The following DDX1 variants were observed in gnomAD, a reference collection of about 807,000 sequenced individuals.
DDX1 encodes ATP-dependent RNA helicase DDX1.
DDX1 carries 28 observed loss-of-function variants against 108.7 expected under a neutral mutation model. The ratio of observed to expected loss-of-function variants is 0.26; its 90% CI spans 0.19 to 0.35. The LOEUF (loss-of-function observed/expected upper bound fraction) is 0.35, where lower values mean the gene tolerates loss of function less well. Ranked by LOEUF, DDX1 falls within the 10% of genes least tolerant of loss-of-function variation. DDX1 has a pLI of 1.00. For missense variants in DDX1, 710 were observed against 884.5 expected (o/e 0.80, Z 2.50); for synonymous variants, 295 against 288.9 (o/e 1.02, Z -0.21).
chr2:15,599,836 T>C, intron 6 of DDX1, 120 bp downstream of exon 6: 1 of 709,556 alleles, frequency 1.4e-6, no homozygotes, highest in Non-Finnish European at 2.4e-6. Flanking sequence ...ATTTAGTCAC[T>C]ATCATTAAAC....
chr2:15,612,881 C>T (rs1055080982), intron 13 of DDX1, among the ~76,000 whole-genome samples: 55 of 148,938 alleles, frequency 3.7e-4, no homozygotes, highest in African/African-American at 1.2e-3. Flanking sequence ...GTGGCGCGTG[C>T]CTGCAATCGC....
At chr2:15,612,076 TGGCTGGCGG>T (rs1307381515) in intron 13 of DDX1, among the ~76,000 whole-genome samples, 37 of 1,056 alleles carry the variant, frequency 0.035, no homozygotes, top group Non-Finnish European at 0.05. Flanking sequence ...AGGGGGCGGC[TGGCTGGCGG>T]GGCCTGACCC....
At chr2:15,600,653 G>C (rs1003141128) in intron 6 of DDX1, among the ~76,000 whole-genome samples, 8 of 151,846 alleles carry the variant, frequency 5.3e-5, no homozygotes, top group Admixed American at 2.0e-4. Context: ...CACATCAAGG[G>C]CTGACCCAGC....
At chr2:15,611,791 AC>A (rs1239037143) in intron 13 of DDX1, among the ~76,000 whole-genome samples, 2 of 72,622 alleles carry the variant, frequency 2.8e-5, no homozygotes, top group South Asian at 6.5e-4. Flanking sequence ...CGGGGGGCTG[AC>A]CCCCCCACCT....
chr2:15,595,275 T>A (rs975069195), intron 2 of DDX1, 79 bp downstream of exon 2: 1 of 1,284,726 alleles, frequency 7.8e-7, no homozygotes, highest in African/African-American at 1.5e-5. Context: ...TATCAAATAT[T>A]TTTGTGTCTA....
chr2:15,605,940 GTTT>G lies in DDX1; in HGVS notation c.626-6_626-4del. The G allele has an allele frequency of 2.0e-6, 3 of 1,536,088 alleles. No homozygotes were observed. Among genetic ancestry groups the G allele is most frequent in the Non-Finnish European group, 2.6e-6 (3 of 1,143,220 alleles). ...TTGTTTTAATCTCTCTCTCTCTCTT[GTTT>G]TTTAAGGAAAAGATCTTGGTCTGGC... On this transcript the variant is annotated splice_region_variant and splice_polypyrimidine_tract_variant and intron_variant, in intron 10 of 25. Transcript: ENST00000233084.
At chr2:15,611,695 C>T (rs1323755417) in intron 13 of DDX1, among the ~76,000 whole-genome samples, 1 of 109,272 alleles carries the variant, frequency 9.2e-6, no homozygotes, top group East Asian at 3.0e-4. Context: ...GGGGGCTGAC[C>T]CCCCCACCTC....
chr2:15,599,045 T>C (rs1665545361), intron 5 of DDX1: 1 of 152,162 alleles, frequency 6.6e-6, no homozygotes, highest in African/African-American at 2.4e-5. Flanking sequence ...AATAGTGACC[T>C]AGGAGTAAGG....
chr2:15,595,049 CA>C, intron 1 of DDX1, 95 bp from the exon 2 acceptor site: 1 of 964,350 alleles, frequency 1.0e-6, no homozygotes, highest in Non-Finnish European at 1.6e-6. Context: ...AGCTATCCTT[CA>C]AAATCTTTAC....
At chr2:15,625,557 A>G (rs540220260) in intron 19 of DDX1, among the ~76,000 whole-genome samples, 1 of 152,182 alleles carries the variant, frequency 6.6e-6, no homozygotes, top group African/African-American at 2.4e-5. Context: ...TGATGGATGG[A>G]TACAGGTATA....
chr2:15,593,293 A>G (rs541642069), intron 1 of DDX1, among the ~76,000 whole-genome samples: 235 of 152,246 alleles, frequency 1.5e-3, no homozygotes, highest in African/African-American at 5.4e-3. Flanking sequence ...ACATTCTCCT[A>G]AAACGATTTT....
intron 25 of DDX1, 40 bp from the exon 26 acceptor site, chr2:15,630,736 C>T (rs760321854): frequency 6.3e-7 from 1 of 1,583,616 alleles, no homozygotes; most frequent in East Asian, 2.3e-5. Context: ...TTATTTCAAG[C>T]ATGTCATTTA....
intron 5 of DDX1, 51 bp downstream of exon 5, chr2:15,597,522 C>CACTTTCCTA: frequency 5.8e-6 from 7 of 1,201,092 alleles, no homozygotes; most frequent in Non-Finnish European, 8.5e-6. Context: ...TGGTTCTCAT[C>CACTTTCCTA]ACTGACAGTT....
At chr2:15,630,703 T>A (rs1443045631) in intron 25 of DDX1, 73 bp from the exon 26 acceptor site, 5 of 1,516,986 alleles carry the variant, frequency 3.3e-6, no homozygotes, top group African/African-American at 1.4e-5. Flanking sequence ...GTGATATAAT[T>A]GAGCCAAAGT....
chr2:15,628,418 C>T (rs74736892), intron 20 of DDX1, 27 bp from the exon 21 acceptor site: 29,199 of 1,559,574 alleles, frequency 0.019, 388 homozygotes, highest in South Asian at 0.044. Context: ...CTAACAAACT[C>T]CTTTCTCTCT....
At chr2:15,601,433 C>T (rs1665587786) in intron 6 of DDX1, among the ~76,000 whole-genome samples, 1 of 152,204 alleles carries the variant, frequency 6.6e-6, no homozygotes, top group Non-Finnish European at 1.5e-5. Context: ...ATGCTTCTAA[C>T]CTATTGGCTA....
intron 5 of DDX1, among the ~76,000 whole-genome samples, chr2:15,598,904 A>C (rs1487752612): frequency 6.6e-6 from 1 of 151,794 alleles, no homozygotes; most frequent in Non-Finnish European, 1.5e-5. Flanking sequence ...TGACTTTTGA[A>C]TGTGGTATTG....
At chr2:15,603,705 C>T (rs998198649) in intron 8 of DDX1, 109 bp from the exon 9 acceptor site, 5 of 732,290 alleles carry the variant, frequency 6.8e-6, no homozygotes, top group Non-Finnish European at 1.1e-5. Flanking sequence ...AATAGTTTTC[C>T]TGTGGGTTTA....
At chr2:15,612,599 C>G (rs1233293560) in intron 13 of DDX1, among the ~76,000 whole-genome samples, 1 of 149,440 alleles carries the variant, frequency 6.7e-6, no homozygotes, top group Admixed American at 6.6e-5. Flanking sequence ...ACTTCCCAGA[C>G]GGGGTGGCGG....
Sources: allele counts gnomAD v4.1 joint callset (sites outside exome capture counted in the v4.1 genomes callset), GRCh38; gene constraint gnomAD v4.1.1; transcripts MANE v1.5; gene names NCBI Gene and HGNC (gene_info 2026-07-23, HGNC 2026-07-21).